EDA: variants seen among roughly 807,000 people sequenced by gnomAD.
EDA encodes ectodysplasin-A.
A neutral mutation model predicts 23.6 loss-of-function variants in EDA; 2 were observed. The ratio of observed to expected loss-of-function variants is 0.08; its 90% CI spans 0.03 to 0.27. The LOEUF (loss-of-function observed/expected upper bound fraction) is 0.27, where lower values mean the gene tolerates loss of function less well. Among genes scored for constraint, EDA ranks in the 10% least tolerant of loss-of-function variants. The probability of loss-of-function intolerance (pLI) is 1.00; values close to 1 mark genes in which losing one functional copy is unlikely to be tolerated. For synonymous variants in EDA, 131 were observed against 132.0 expected, an observed-to-expected ratio of 0.99 and a Z score of 0.05; for missense variants, 229 against 324.2, an observed-to-expected ratio of 0.71 and a Z score of 2.26.
intron 1 of EDA, among the ~76,000 whole-genome samples, chrX:69,733,275 G>A (rs1429816240): frequency 1.2e-4 from 13 of 111,986 alleles, no homozygotes; most frequent in African/African-American, 4.2e-4. Context: ...ATTAATTTTT[G>A]TATAAGGTGT....
Position 69,695,146 on chromosome X carries a change from C to A in EDA, c.396+78442C>A, listed in dbSNP as rs751953944. ...ACCAGCCTGGGCAACATGGCAAAAC[C>A]CTATCTCTACTAAAAATATAAAAAT... is the stretch of plus-strand genomic sequence containing the variant. On this transcript the variant is annotated intron_variant, in intron 1 of 7. Transcript: ENST00000374552. Among the ~76,000 whole-genome samples, 9 of 110,828 alleles carry A rather than the reference C, an allele frequency of 8.1e-5. No individual in the cohort carries two copies. In the South Asian group the frequency reaches 3.4e-3, roughly 42 times the overall value.
At chrX:69,773,720 T>C (rs775361703) in intron 1 of EDA, among the ~76,000 whole-genome samples, 5 of 111,949 alleles carry the variant, frequency 4.5e-5, no homozygotes, top group Admixed American at 2.9e-4. Context: ...CATTTATGTA[T>C]CTTTTTTGGA....
At chrX:69,726,760 T>C (rs144101669) in intron 1 of EDA, among the ~76,000 whole-genome samples, 6,750 of 111,971 alleles carry the variant, frequency 0.06, 204 homozygotes, top group Middle Eastern at 0.093. Flanking sequence ...GCAGGACTTG[T>C]GATGGGTGTG....
intron 2 of EDA, among the ~76,000 whole-genome samples, chrX:69,963,776 C>G (rs1455135271): frequency 1.8e-5 from 2 of 111,578 alleles, no homozygotes; most frequent in Non-Finnish European, 3.8e-5. Flanking sequence ...AGCTACCAAA[C>G]TCCTGTACTT....
chrX:69,863,657 A>G, intron 1 of EDA, among the ~76,000 whole-genome samples: 1 of 31,310 alleles, frequency 3.2e-5, no homozygotes, highest in Non-Finnish European at 1.6e-4. Context: ...GTATTTACAC[A>G]TATACATATG....
At chrX:69,763,544 A>G (rs2014375889) in intron 1 of EDA, among the ~76,000 whole-genome samples, 1 of 112,259 alleles carries the variant, frequency 8.9e-6, no homozygotes, top group African/African-American at 3.2e-5. Context: ...CAATGCTGCA[A>G]CTGCCGCCTT....
chrX:69,708,545 G>A (rs1349951770), intron 1 of EDA, among the ~76,000 whole-genome samples: 2 of 111,413 alleles, frequency 1.8e-5, no homozygotes, highest in African/African-American at 3.3e-5. Flanking sequence ...TTACTATAAA[G>A]TGAATGAAGC....
intron 1 of EDA, among the ~76,000 whole-genome samples, chrX:69,628,298 T>C (rs753523229): frequency 9.0e-6 from 1 of 111,586 alleles, no homozygotes; most frequent in Non-Finnish European, 1.9e-5. Context: ...AGTCTAAATG[T>C]TGGGGAAACT....
chrX:69,861,291 A>C (rs1213279073), intron 1 of EDA: 1 of 164,215 alleles, frequency 6.1e-6, no homozygotes, highest in Non-Finnish European at 1.2e-5. Flanking sequence ...ACCAGACAAT[A>C]ACATGATACA....
chrX:70,029,335 G>C (rs1036902674), intron 4 of EDA, among the ~76,000 whole-genome samples, 169 bp from the exon 5 acceptor site: 2 of 112,432 alleles, frequency 1.8e-5, no homozygotes, highest in Non-Finnish European at 3.8e-5. Flanking sequence ...GGTCAGGGCA[G>C]GAAACAGAAG....
chrX:69,768,562 G>A (rs1036567633), intron 1 of EDA, among the ~76,000 whole-genome samples: 1 of 111,041 alleles, frequency 9.0e-6, no homozygotes, highest in Non-Finnish European at 1.9e-5. Context: ...AAATTTGCCT[G>A]TTTTACACAA....
At chrX:69,617,215 G>A (rs1367894218) in intron 1 of EDA, 4 of 162,045 alleles carry the variant, frequency 2.5e-5, no homozygotes, top group Non-Finnish European at 1.3e-5. Context: ...GCGCTGACCA[G>A]AACGTGGGCT....
chrX:69,623,668 CTTT>C (rs754360005), intron 1 of EDA, among the ~76,000 whole-genome samples: 2 of 96,668 alleles, frequency 2.1e-5, no homozygotes, highest in Non-Finnish European at 2.1e-5. Flanking sequence ...TCTTTTTTTT[CTTT>C]TTTTTTTTTT....
At position 70,023,010 on chromosome X, in the gene EDA, A is replaced by G. The variant is rs2020057662; in HGVS notation, c.503-208A>G. On this transcript the variant is annotated intron_variant, in intron 2 of 7. Coordinates refer to ENST00000374552, the MANE Select transcript of EDA (RefSeq NM_001399.5). The stretch of plus-strand genomic sequence containing the variant: ...GAGAGATTTTTCTCCCTAGGGAAGA[A>G]TCTTCCTTGAAACTTTTGTGGCCTC... 4 of 311,372 alleles carry G rather than the reference A, an allele frequency of 1.3e-5. No homozygotes were observed. In the East Asian group the frequency reaches 2.0e-4, roughly 16 times the overall value. The allele number at this position is 311,372 out of a possible 1,213,427, so 25.7% of individuals were successfully genotyped here.
At chrX:69,851,836 C>T (rs12845695) in intron 1 of EDA, among the ~76,000 whole-genome samples, 33,247 of 110,764 alleles carry the variant, frequency 0.3, 4,696 homozygotes, top group Middle Eastern at 0.55. Flanking sequence ...CCAGCCACAT[C>T]CCATATCTAC....
At chrX:69,759,168 A>T (rs979007309) in intron 1 of EDA, among the ~76,000 whole-genome samples, 4 of 112,405 alleles carry the variant, frequency 3.6e-5, no homozygotes, top group Non-Finnish European at 7.5e-5. Flanking sequence ...ATTCCCCAAT[A>T]CAGCATTGTA....
chrX:69,761,962 T>G (rs2147412219), intron 1 of EDA, among the ~76,000 whole-genome samples: 1 of 111,316 alleles, frequency 9.0e-6, no homozygotes, highest in South Asian at 3.8e-4. Flanking sequence ...TATTTATGTT[T>G]TTACGGGTAA....
chrX:69,943,186 G>A (rs919452387), intron 1 of EDA, among the ~76,000 whole-genome samples: 1 of 111,409 alleles, frequency 9.0e-6, no homozygotes, highest in African/African-American at 3.3e-5. Context: ...TCCAGGATTG[G>A]TCACCAATGC....
At chrX:69,981,906 G>A (rs1206280996) in intron 2 of EDA, among the ~76,000 whole-genome samples, 2 of 111,632 alleles carry the variant, frequency 1.8e-5, no homozygotes, top group Admixed American at 1.9e-4. Context: ...AAATGACTTA[G>A]CATGGTCAGA....
Sources: gnomAD v4.1 joint callset for allele counts (sites outside exome capture counted in the v4.1 genomes callset) on GRCh38, gnomAD v4.1.1 for gene constraint, MANE v1.5 for transcripts, NCBI Gene and HGNC (gene_info 2026-07-23, HGNC 2026-07-21) for gene names.